The following ADPRHL1 variants were observed in gnomAD, a reference collection of about 807,000 sequenced individuals.
ADPRHL1 encodes inactive ADP-ribosyltransferase ARH2.
Under a neutral mutation model 44.1 loss-of-function variants are expected in ADPRHL1, and 43 were observed. The observed-to-expected ratio is 0.98, with a 90% CI of 0.76 to 1.26. The LOEUF (loss-of-function observed/expected upper bound fraction) is 1.26. Ranked by LOEUF, ADPRHL1 falls within the 50% of genes most tolerant of loss-of-function variation. The probability of loss-of-function intolerance (pLI) is 0.00; values close to 1 mark genes in which losing one functional copy is unlikely to be tolerated. For synonymous variants in ADPRHL1, 878 were observed against 1,017.4 expected (o/e 0.86, Z 2.61); for missense variants, 2,022 against 2,496.9 (o/e 0.81, Z 4.05).
intron 1 of ADPRHL1, among the ~76,000 whole-genome samples, chr13:113,446,980 T>C (rs867013678): frequency 5.3e-5 from 7 of 132,166 alleles, no homozygotes; most frequent in South Asian, 5.2e-4. Context: ...GGTGTCTACA[T>C]GCACGGTGTT....
In ADPRHL1 at chr13:113,453,348, G is replaced by A. The variant is rs1471188386; in HGVS notation, c.90C>T (p.Gly30=). The change falls in exon 1 of 8, where the codon GGC becomes GGT. Residue 30 remains glycine (G), a synonymous_variant. Transcript: ENST00000612156. This position sits in a 1 kb window ranked among gnomAD's most constrained non-coding sequence, Gnocchi z 5.4. ...GTTGCAGCTCCTCCTGGATCTTCAT[G>A]CCTACAGTGCTGTTCTCCTTGCAGA... ...RNVCKENSTV[G]MKIQEELQRS... 3 of 1,614,204 alleles carry A rather than the reference G, an allele frequency of 1.9e-6. No homozygotes were observed. Among genetic ancestry groups the A allele is most frequent in the Non-Finnish European group, 2.5e-6 (3 of 1,180,038 alleles).
chr13:113,406,053 A>C lies in ADPRHL1; in HGVS notation c.3229T>G (p.Ser1077Ala). The change falls in exon 8 of 8, where the codon TCT (serine) becomes GCT (alanine). Residue 1077 changes from serine to alanine, a missense_variant. Physicochemically the swap from Ser to Ala is moderately conservative, Grantham distance 99 (BLOSUM62 1). Transcript: ENST00000612156. ...EECRRPLLIE[S>A]SQPLKAAEEI... Reference sequence around the variant, plus strand: ...TCGGCAGCCTTCAGGGGCTGAGAAGACTCTATTAGCAGCGGCCTTCTGCAT... The same window carrying C: ...TCGGCAGCCTTCAGGGGCTGAGAAGCCTCTATTAGCAGCGGCCTTCTGCAT... The C allele has an allele frequency of 8.1e-7, 1 of 1,231,970 alleles. No individual in the cohort carries two copies. The highest frequency in any genetic ancestry group is 1.0e-6 in the Non-Finnish European group (1 of 988,006). 76.3% of individuals were successfully genotyped at this position (1,231,970 alleles called of 1,614,324 possible).
Position 113,406,084 on chromosome 13 carries a change from C to T in ADPRHL1, c.3198G>A (p.Leu1066=), listed in dbSNP as rs979937646. 4.9e-6 allele frequency: 6 copies of T among 1,232,174 alleles called. No individual in the cohort carries two copies. The Admixed American group carries it at 2.5e-4, about 52-fold the overall frequency. 76.3% of individuals were successfully genotyped at this position (1,232,174 alleles called of 1,614,324 possible). ...TPMGMTVPGA[L]EECRRPLLIE... Reference sequence around the variant, plus strand: ...TTAGCAGCGGCCTTCTGCATTCCTCCAGCGCACCGGGCACTGTCATGCCCA... The same window carrying T: ...TTAGCAGCGGCCTTCTGCATTCCTCTAGCGCACCGGGCACTGTCATGCCCA... Residue 1066 remains leucine (L), a synonymous_variant, in exon 8 of 8, where the codon CTG becomes CTA. Coordinates refer to ENST00000612156, the MANE Select transcript of ADPRHL1 (RefSeq NM_001394807.1).
Position 113,424,223 on chromosome 13 carries a change from G to A in ADPRHL1, c.901C>T (p.His301Tyr). The A allele has an allele frequency of 3.7e-6, 6 of 1,612,752 alleles. No individual in the cohort carries two copies. Among genetic ancestry groups the A allele is most frequent in the Non-Finnish European group, 5.1e-6 (6 of 1,179,804 alleles). Residue 301 changes from histidine (H) to tyrosine (Y), a missense_variant, in exon 6 of 8, where the codon CAT becomes TAT. Coordinates refer to ENST00000612156, the MANE Select transcript of ADPRHL1 (RefSeq NM_001394807.1). ...WTELCHRAMFHGGESAATGTI... is the reference protein window; with the variant it reads ...WTELCHRAMFYGGESAATGTI... The stretch of plus-strand genomic sequence containing the variant: ...CCATTAAGGAACATCTCACCTCCAT[G>A]AAACATGGCCCGGTGACACAGCTCA...
Position 113,405,688 on chromosome 13 carries a change from G to A in ADPRHL1, c.3594C>T (p.Leu1198=), listed in dbSNP as rs1358986555. The A allele has an allele frequency of 6.5e-6, 8 of 1,232,184 alleles. No homozygotes were observed. The highest frequency in any genetic ancestry group is 7.1e-6 in the Non-Finnish European group (7 of 988,446). 76.3% of individuals were successfully genotyped at this position (1,232,184 alleles called of 1,614,324 possible). A position where few individuals can be genotyped will look rare whatever the true frequency, so the allele number is the denominator to read the frequency against. The change falls in exon 8 of 8, where the codon CTC becomes CTT. Residue 1198 remains leucine, a synonymous_variant. Transcript: ENST00000612156. ...AGRSLLRGVA[L]VQHPEDIATL... is the part of the protein sequence containing the mutation. ...TCGCAATGTCCTCTGGGTGCTGGAC[G>A]AGGGCCACGCCTCTCAGGAGGCTCC...
chr13:113,440,838 T>G (rs147346376), intron 2 of ADPRHL1, among the ~76,000 whole-genome samples: 24 of 152,258 alleles, frequency 1.6e-4, no homozygotes, highest in East Asian at 5.8e-4. Context: ...TTTTTGGTTG[T>G]TTGTTTGTTT....
chr13:113,421,552 G>A (rs374738881), intron 7 of ADPRHL1, among the ~76,000 whole-genome samples: 11 of 152,164 alleles, frequency 7.2e-5, no homozygotes, highest in Non-Finnish European at 1.2e-4. Flanking sequence ...AAGGGGAGGC[G>A]GCCGGGGAGT....
At chr13:113,421,283 AC>A (rs1436142300) in intron 7 of ADPRHL1, among the ~76,000 whole-genome samples, 2 of 15,226 alleles carry the variant, frequency 1.3e-4, no homozygotes, top group Non-Finnish European at 2.6e-4. Context: ...GGACACCTCT[AC>A]CCCCGGGACA....
intron 3 of ADPRHL1, among the ~76,000 whole-genome samples, chr13:113,432,427 C>T (rs1016030102): frequency 5.9e-5 from 9 of 152,188 alleles, no homozygotes; most frequent in African/African-American, 2.2e-4. Context: ...GGCAAATGCC[C>T]AACATTTTCG....
In ADPRHL1 at chr13:113,404,797, C is replaced by T; in HGVS notation, c.4485G>A (p.Trp1495Ter). 8.0e-7 allele frequency: 1 copy of T among 1,254,772 alleles called. No individual in the cohort carries two copies. The allele number at this position is 1,254,772 out of a possible 1,614,324, so 77.7% of individuals were successfully genotyped here. Residue 1495 changes from tryptophan (W) to a stop codon, truncating the protein, a stop_gained, in exon 8 of 8, where the codon TGG (tryptophan) becomes TGA (stop). Transcript: ENST00000612156. LOFTEE classifies it low-confidence loss of function (END_TRUNC). ...CGTGTCCCTGAACCTGTCCCCGGTC[C>T]CATTCCTGAACCTGTTTCTGGGCCT... ...QGQAQKQVQE[W>*]DRGQVQGHAQ... is the part of the protein sequence containing the mutation.
chr13:113,419,194 C>T (rs2043903482), intron 7 of ADPRHL1, among the ~76,000 whole-genome samples: 1 of 144,756 alleles, frequency 6.9e-6, no homozygotes, highest in Non-Finnish European at 1.5e-5. Flanking sequence ...GCAACCTCAA[C>T]CTCTCAGGCT....
chr13:113,431,325 G>A (rs764274447), intron 3 of ADPRHL1, among the ~76,000 whole-genome samples: 17 of 152,240 alleles, frequency 1.1e-4, no homozygotes, highest in Admixed American at 2.0e-4. Context: ...CACGCCATGC[G>A]GAGACAGGCC....
intron 2 of ADPRHL1, among the ~76,000 whole-genome samples, chr13:113,438,604 G>A (rs917724167): frequency 6.6e-6 from 1 of 152,142 alleles, no homozygotes; most frequent in Non-Finnish European, 1.5e-5. Flanking sequence ...TGAGGCAGGC[G>A]AATTGCTTGA....
chr13:113,430,836 G>C (rs1349714977), intron 3 of ADPRHL1, among the ~76,000 whole-genome samples: 1 of 152,158 alleles, frequency 6.6e-6, no homozygotes. Context: ...GGGAGCAGCT[G>C]TGGTGGTGGC....
In ADPRHL1 at chr13:113,422,936, C is replaced by A; in HGVS notation, c.951G>T (p.Gly317=). 1.2e-6 allele frequency: 2 copies of A among 1,612,938 alleles called. No individual in the cohort carries two copies. Among genetic ancestry groups the A allele is most frequent in the South Asian group, 2.2e-5 (2 of 91,088 alleles). The change falls in exon 7 of 8, where the codon GGG becomes GGT. Residue 317 remains glycine, a synonymous_variant. Transcript: ENST00000612156. The part of the protein sequence containing the change: ...ATGTIAGCLF[G]LLYGLDLVPK... ...GAACGAGGTCCAGGCCGTACAGCAA[C>A]CCGAACAGGCAGCCTGCAATGGTGC...
At position 113,404,921 on chromosome 13, in the gene ADPRHL1, C is replaced by T. The variant is rs1294371281; in HGVS notation, c.4361G>A (p.Gly1454Glu). ...QHLQGPWEER[G>E]RSTAWGEGTR... ...GCCCTCTCCCCACGCCGTGCTCCGC[C>T]CCCGCTCCTCCCAGGGTCCCTGCAG... The change falls in exon 8 of 8, where the codon GGG becomes GAG. Residue 1454 changes from glycine to glutamate, a missense_variant. Gly to Glu is a moderately conservative substitution (Grantham distance 98). This residue lies in a region of ADPRHL1 where 1,221 missense variants were observed against 1,517.8 expected (regional missense o/e 0.80). Coordinates refer to ENST00000612156, the MANE Select transcript of ADPRHL1 (RefSeq NM_001394807.1). The T allele has an allele frequency of 2.4e-6, 3 of 1,244,468 alleles. No individual in the cohort carries two copies. In the African/African-American group the frequency reaches 4.7e-5, roughly 19 times the overall value. 77.1% of individuals were successfully genotyped at this position (1,244,468 alleles called of 1,614,324 possible).
intron 4 of ADPRHL1, among the ~76,000 whole-genome samples, chr13:113,427,406 G>T (rs1210846917): frequency 6.6e-6 from 1 of 152,170 alleles, no homozygotes; most frequent in African/African-American, 2.4e-5. Flanking sequence ...AAAGAACCCG[G>T]CACCACCGGC....
chr13:113,416,030 A>G (rs1290045045), intron 7 of ADPRHL1, among the ~76,000 whole-genome samples: 3 of 151,788 alleles, frequency 2.0e-5, no homozygotes, highest in African/African-American at 7.3e-5. Context: ...GGTGGCCGAG[A>G]GTGGCCCCCA....
At chr13:113,433,979 T>TA in intron 2 of ADPRHL1, 112 bp from the exon 3 acceptor site, 1 of 1,393,622 alleles carries the variant, frequency 7.2e-7, no homozygotes, top group Middle Eastern at 1.9e-4. Flanking sequence ...AATAACATGT[T>TA]ATCAGAGTGT....
Sources: gnomAD v4.1 joint callset for allele counts (sites outside exome capture counted in the v4.1 genomes callset) on GRCh38, gnomAD v4.1.1 for gene constraint, gnomAD v4.1.1 regional missense constraint, Gnocchi (gnomAD v3.1) non-coding constraint, MANE v1.5 for transcripts, NCBI Gene and HGNC (gene_info 2026-07-23, HGNC 2026-07-21) for gene names.